The following ZC3H12B variants were observed in gnomAD, a reference collection of about 807,000 sequenced individuals.
ZC3H12B encodes probable ribonuclease ZC3H12B.
In ZC3H12B, 7 loss-of-function variants were observed where a neutral mutation model predicts 43.9. That is an observed-to-expected ratio of 0.16 (90% CI 0.09 to 0.30). The LOEUF (loss-of-function observed/expected upper bound fraction) is 0.30, where lower values mean the gene tolerates loss of function less well. Ranked by LOEUF, ZC3H12B falls within the 10% of genes least tolerant of loss-of-function variation. The pLI, the probability that ZC3H12B is intolerant of heterozygous loss-of-function variation, is 1.00. For missense variants in ZC3H12B, 475 were observed against 670.2 expected (o/e 0.71, Z 3.22); for synonymous variants, 222 against 241.7 (o/e 0.92, Z 0.76).
chrX:65,096,988 C>A, the ZC3H12B span, among the ~76,000 whole-genome samples: 1 of 111,392 alleles, frequency 9.0e-6, no homozygotes, highest in African/African-American at 3.3e-5. Flanking sequence ...TTATACTATA[C>A]CATGTTGCCT....
chrX:65,446,209 G>T (rs2067374256), intron 3 of ZC3H12B, among the ~76,000 whole-genome samples: 1 of 111,883 alleles, frequency 8.9e-6, no homozygotes, highest in Admixed American at 9.5e-5. Flanking sequence ...CTGGGGCTGA[G>T]CTGACATTCA....
the ZC3H12B span, among the ~76,000 whole-genome samples, chrX:65,295,812 G>C: frequency 1.8e-5 from 2 of 111,140 alleles, no homozygotes; most frequent in African/African-American, 3.3e-5. Context: ...TGCAGAGATA[G>C]ATAAATTCCT....
chrX:65,045,041 T>C, the ZC3H12B span, among the ~76,000 whole-genome samples: 1 of 110,881 alleles, frequency 9.0e-6, no homozygotes, highest in Non-Finnish European at 1.9e-5. Context: ...GTCTAAAAAA[T>C]CTTAATTCTT....
chrX:65,309,433 A>G, the ZC3H12B span, among the ~76,000 whole-genome samples: 1 of 112,033 alleles, frequency 8.9e-6, no homozygotes, highest in East Asian at 2.8e-4. Context: ...ACACCCTCCC[A>G]AGACTAAACC....
At chrX:65,102,200 A>G in the ZC3H12B span, among the ~76,000 whole-genome samples, 2 of 111,226 alleles carry the variant, frequency 1.8e-5, no homozygotes, top group Non-Finnish European at 3.8e-5. Flanking sequence ...CAAGCTAAAA[A>G]CTCTCCATAA....
chrX:65,113,835 A>T, the ZC3H12B span, among the ~76,000 whole-genome samples: 1 of 106,701 alleles, frequency 9.4e-6, no homozygotes, highest in Non-Finnish European at 1.9e-5. Flanking sequence ...TCTAGACATA[A>T]TGCTATTGCA....
At chrX:65,129,697 C>A in the ZC3H12B span, among the ~76,000 whole-genome samples, 2 of 111,067 alleles carry the variant, frequency 1.8e-5, no homozygotes, top group Non-Finnish European at 3.8e-5. Context: ...ACATTCCTGT[C>A]TTCTTGTATT....
the ZC3H12B span, among the ~76,000 whole-genome samples, chrX:65,261,120 A>G: frequency 8.9e-6 from 1 of 112,007 alleles, no homozygotes; most frequent in African/African-American, 3.2e-5. Context: ...TATGCTAACC[A>G]TAGAGATTAA....
chrX:65,338,169 A>C, the ZC3H12B span, among the ~76,000 whole-genome samples: 6 of 111,233 alleles, frequency 5.4e-5, no homozygotes, highest in Non-Finnish European at 9.4e-5. Flanking sequence ...AGCAGGTATT[A>C]TTCTTTCATT....
At chrX:65,373,027 C>T (rs1351614972) in intron 2 of ZC3H12B, among the ~76,000 whole-genome samples, 1 of 111,305 alleles carries the variant, frequency 9.0e-6, no homozygotes, top group Non-Finnish European at 1.9e-5. Flanking sequence ...TATGGTGGGC[C>T]TTGTAGATTT....
At chrX:65,170,056 G>T in the ZC3H12B span, among the ~76,000 whole-genome samples, 2 of 111,868 alleles carry the variant, frequency 1.8e-5, no homozygotes, top group Non-Finnish European at 3.8e-5. Context: ...ATTGTTATGT[G>T]TGAATTTGAT....
the ZC3H12B span, among the ~76,000 whole-genome samples, chrX:65,151,946 T>C: frequency 8.9e-6 from 1 of 111,987 alleles, no homozygotes; most frequent in African/African-American, 3.2e-5. Flanking sequence ...TCAATAACTG[T>C]AATCCAGCAT....
At chrX:65,456,659 G>A (rs1273954481) in intron 3 of ZC3H12B, among the ~76,000 whole-genome samples, 6 of 107,508 alleles carry the variant, frequency 5.6e-5, no homozygotes, top group Non-Finnish European at 1.2e-4. Flanking sequence ...GGCCGGGCTG[G>A]TCTCCAGCTC....
intron 3 of ZC3H12B, among the ~76,000 whole-genome samples, chrX:65,443,480 A>G (rs912265186): frequency 2.7e-5 from 3 of 112,178 alleles, no homozygotes; most frequent in African/African-American, 9.7e-5. Flanking sequence ...TTCAGAGCTG[A>G]GAGCCCCAAA....
At chrX:65,106,893 C>A in the ZC3H12B span, among the ~76,000 whole-genome samples, 1 of 111,433 alleles carries the variant, frequency 9.0e-6, no homozygotes, top group Non-Finnish European at 1.9e-5. Flanking sequence ...TTCCAATTTT[C>A]ATATAAGATT....
upstream of ZC3H12B, among the ~76,000 whole-genome samples, chrX:65,487,265 G>A (rs979075636): frequency 8.9e-6 from 1 of 112,868 alleles, no homozygotes; most frequent in Non-Finnish European, 1.9e-5. Context: ...TTGAGGCAGG[G>A]TGTGGTGGCT....
the ZC3H12B span, among the ~76,000 whole-genome samples, chrX:65,350,182 G>A: frequency 8.9e-6 from 1 of 111,812 alleles, no homozygotes; most frequent in South Asian, 3.7e-4. Context: ...CTTCATCCCT[G>A]GGATGCAAGG....
At chrX:65,485,576 G>T (rs1300082952), upstream of ZC3H12B, among the ~76,000 whole-genome samples, 1 of 112,221 alleles carries the variant, frequency 8.9e-6, no homozygotes, top group Non-Finnish European at 1.9e-5. Context: ...TTTAACACAT[G>T]TCATAAGCTA....
At chrX:65,109,086 A>G in the ZC3H12B span, among the ~76,000 whole-genome samples, 1 of 111,655 alleles carries the variant, frequency 9.0e-6, no homozygotes, top group Admixed American at 9.5e-5. Flanking sequence ...AATTCAACAT[A>G]AGCAACCTCC....
Sources: gnomAD v4.1 joint callset for allele counts (sites outside exome capture counted in the v4.1 genomes callset) on GRCh38, gnomAD v4.1.1 for gene constraint, MANE v1.5 for transcripts, NCBI Gene and HGNC (gene_info 2026-07-23, HGNC 2026-07-21) for gene names.